The following DNAH14 variants were observed in gnomAD, a reference collection of about 807,000 sequenced individuals.
The protein encoded by DNAH14 is dynein axonemal heavy chain 14, also known as axonemal beta dynein heavy chain 14.
DNAH14 carries 478 observed loss-of-function variants against 520.9 expected under a neutral mutation model. The ratio of observed to expected loss-of-function variants is 0.92; its 90% CI spans 0.85 to 0.99. DNAH14 has a LOEUF of 0.99. Ranked by LOEUF, DNAH14 falls within the 50% of genes least tolerant of loss-of-function variation. DNAH14 has a pLI of 0.00. For missense variants in DNAH14, 4,831 were observed against 5,234.5 expected (o/e 0.92, Z 2.38); for synonymous variants, 1,581 against 1,757.2 (o/e 0.90, Z 2.51).
chr1:225,393,608 C>G (rs997449349), intron 84 of DNAH14, among the ~76,000 whole-genome samples: 9 of 151,896 alleles, frequency 5.9e-5, no homozygotes, highest in Non-Finnish European at 1.0e-4. Flanking sequence ...TGTTATGGAG[C>G]TCATGATTAA....
rs762772683 is a variant in DNAH14 at position 225,144,347 on chromosome 1, A to G, written c.4509-50A>G. The G allele has an allele frequency of 1.0e-4, 141 of 1,350,778 alleles. No homozygotes were observed. In the South Asian group the frequency reaches 1.8e-3, roughly 17 times the overall value. The allele number at this position is 1,350,778 out of a possible 1,614,324, so 83.7% of individuals were successfully genotyped here. ...ATTCTTTTTCTGCATGTGAAAATAC[A>G]TAAAAATAATTTAACCAAATAATAT... On this transcript the variant is annotated intron_variant, in intron 28 of 85. Coordinates refer to ENST00000682510, the MANE Select transcript of DNAH14 (RefSeq NM_001367479.1).
At chr1:225,157,437 C>T (rs1328411093) in intron 34 of DNAH14, among the ~76,000 whole-genome samples, 3 of 152,144 alleles carry the variant, frequency 2.0e-5, no homozygotes, top group African/African-American at 7.2e-5. Flanking sequence ...TAATCTAAAG[C>T]TTTCATTATT....
At chr1:224,958,435 G>A (rs1183160098) in intron 3 of DNAH14, among the ~76,000 whole-genome samples, 1 of 152,046 alleles carries the variant, frequency 6.6e-6, no homozygotes, top group Non-Finnish European at 1.5e-5. Context: ...CAGGGGCAGC[G>A]TTTTGCCATA....
intron 31 of DNAH14, among the ~76,000 whole-genome samples, chr1:225,150,755 C>T (rs1406377579): frequency 2.0e-5 from 3 of 151,826 alleles, no homozygotes; most frequent in Admixed American, 1.3e-4. Flanking sequence ...TTAAGGCAGA[C>T]ATCTCACTCT....
At chr1:225,020,308 C>G (rs571705030) in intron 10 of DNAH14, among the ~76,000 whole-genome samples, 2 of 151,840 alleles carry the variant, frequency 1.3e-5, no homozygotes. Context: ...ACCAGCCTGG[C>G]CAACATGGTG....
chr1:225,017,514 G>A (rs2065306387), intron 10 of DNAH14, among the ~76,000 whole-genome samples: 1 of 152,166 alleles, frequency 6.6e-6, no homozygotes, highest in Non-Finnish European at 1.5e-5. Context: ...CACCCCTGCT[G>A]CCCCTACCAG....
In DNAH14 at chr1:225,259,259, A is replaced by G. The variant is rs1392916790; in HGVS notation, c.7157+6A>G. ...AGTGAAATAAAAAAATCAAGGTTGT[A>G]TATACTAACTTCTAAATTTGATTTG... is the stretch of plus-strand genomic sequence containing the variant. On this transcript the variant is annotated splice_donor_region_variant and intron_variant, in intron 46 of 85. Transcript: ENST00000682510. 7.0e-7 allele frequency: 1 copy of G among 1,424,620 alleles called. No homozygotes were observed. Among genetic ancestry groups the G allele is most frequent in the East Asian group, 2.8e-5 (1 of 36,184 alleles). 88.2% of individuals were successfully genotyped at this position (1,424,620 alleles called of 1,614,324 possible).
intron 17 of DNAH14, among the ~76,000 whole-genome samples, chr1:225,060,246 T>C (rs2456329): frequency 0.85 from 129,455 of 152,018 alleles, 58,706 homozygotes; most frequent in Non-Finnish European, 1. Flanking sequence ...CTTCTCTTCT[T>C]ACTTCATTGC....
At chr1:225,268,452 C>T (rs1433820056) in intron 49 of DNAH14, among the ~76,000 whole-genome samples, 1 of 152,178 alleles carries the variant, frequency 6.6e-6, no homozygotes, top group African/African-American at 2.4e-5. Context: ...CACTCCTATT[C>T]AACATAGTTT....
intron 17 of DNAH14, among the ~76,000 whole-genome samples, chr1:225,073,674 GTTGT>G (rs1426724284): frequency 9.2e-5 from 14 of 151,460 alleles, no homozygotes; most frequent in Non-Finnish European, 1.6e-4. Flanking sequence ...TGTTGTTGTT[GTTGT>G]TTGTTTTTGT....
At chr1:225,314,456 C>A (rs555678297) in intron 60 of DNAH14, among the ~76,000 whole-genome samples, 2 of 152,104 alleles carry the variant, frequency 1.3e-5, no homozygotes, top group African/African-American at 4.8e-5. Context: ...TATAGTTATG[C>A]GTGAATTTGA....
At chr1:225,246,842 C>T (rs2092313061) in intron 43 of DNAH14, among the ~76,000 whole-genome samples, 1 of 151,942 alleles carries the variant, frequency 6.6e-6, no homozygotes, top group South Asian at 2.1e-4. Flanking sequence ...GGATCTAGAA[C>T]CAGATACCAT....
intron 23 of DNAH14, among the ~76,000 whole-genome samples, chr1:225,101,315 G>T (rs76045707): frequency 0.053 from 8,007 of 151,920 alleles, 324 homozygotes; most frequent in Non-Finnish European, 0.078. Flanking sequence ...TCACATCAAG[G>T]TAAACGTATC....
At chr1:225,018,318 C>T (rs999313819) in intron 10 of DNAH14, among the ~76,000 whole-genome samples, 1 of 152,120 alleles carries the variant, frequency 6.6e-6, no homozygotes, top group African/African-American at 2.4e-5. Flanking sequence ...GAAGATTGCT[C>T]ACTTGAAGCA....
At chr1:225,169,930 A>C (rs1369539956) in intron 36 of DNAH14, among the ~76,000 whole-genome samples, 3 of 152,172 alleles carry the variant, frequency 2.0e-5, no homozygotes, top group Admixed American at 2.0e-4. Flanking sequence ...CTTGGCAGAA[A>C]CTCTACAAGC....
chr1:225,028,520 T>C (rs567520742), intron 11 of DNAH14, among the ~76,000 whole-genome samples: 193 of 152,146 alleles, frequency 1.3e-3, no homozygotes, highest in Non-Finnish European at 2.4e-3. Flanking sequence ...TTTTCTCTTA[T>C]TTTCTTAGTC....
At chr1:225,197,520 A>G (rs1442051947) in intron 38 of DNAH14, among the ~76,000 whole-genome samples, 4 of 151,596 alleles carry the variant, frequency 2.6e-5, no homozygotes, top group Non-Finnish European at 5.9e-5. Flanking sequence ...CTTTGGCTAT[A>G]TGGGCTCTTT....
intron 2 of DNAH14, 124 bp from the exon 3 acceptor site, chr1:224,954,835 T>C (rs1448795322): frequency 7.4e-6 from 5 of 675,482 alleles, no homozygotes; most frequent in Non-Finnish European, 1.2e-5. Context: ...AACCATAGCA[T>C]TTATTAAACC....
rs2095572201 is a variant in DNAH14, at chr1:225,367,806, T to G, written c.12092T>G (p.Ile4031Ser). The G allele has an allele frequency of 6.5e-7, 1 of 1,549,838 alleles. No individual in the cohort carries two copies. The highest frequency in any genetic ancestry group is 8.7e-7 in the Non-Finnish European group (1 of 1,145,516). The stretch of plus-strand genomic sequence containing the variant: ...ATTTTACTCACATCTGTTTTCAAGA[T>G]TGCCGTGGAATCTCCCCAGGGATTG... ...PIPVLKKGLKIAVESPQGLKS... is the reference protein window; with the variant it reads ...PIPVLKKGLKSAVESPQGLKS... The change falls in exon 77 of 86, where the codon ATT becomes AGT. Residue 4031 changes from isoleucine to serine, a missense_variant and splice_region_variant. Coordinates refer to ENST00000682510, the MANE Select transcript of DNAH14 (RefSeq NM_001367479.1).
Sources: allele counts gnomAD v4.1 joint callset (sites outside exome capture counted in the v4.1 genomes callset), GRCh38; gene constraint gnomAD v4.1.1; transcripts MANE v1.5; gene names NCBI Gene and HGNC (gene_info 2026-07-23, HGNC 2026-07-21).